CCNG2: variants seen among roughly 807,000 people sequenced by gnomAD.
CCNG2 encodes the protein cyclin-G2.
A neutral mutation model predicts 36.5 loss-of-function variants in CCNG2; 20 were observed. The observed-to-expected ratio is 0.55, with a 90% CI of 0.39 to 0.80. CCNG2 has a LOEUF of 0.80. Among genes scored for constraint, CCNG2 ranks in the 30% least tolerant of loss-of-function variants. The pLI is 0.00. For missense variants in CCNG2, 358 were observed against 390.8 expected, an observed-to-expected ratio of 0.92 and a Z score of 0.71; for synonymous variants, 155 against 140.1, an observed-to-expected ratio of 1.11 and a Z score of -0.75.
chr4:77,161,777 A>T, intron 6 of CCNG2, 30 bp downstream of exon 6: 1 of 1,409,094 alleles, frequency 7.1e-7, no homozygotes, highest in East Asian at 2.3e-5. Context: ...TTTAAGGCAA[A>T]TTTTTTTCCT....
In CCNG2 at chr4:77,158,604, C is replaced by T. The variant is rs759871299; in HGVS notation, c.72C>T (p.Tyr24=). The T allele has an allele frequency of 4.3e-6, 7 of 1,614,114 alleles. No homozygotes were observed. The Admixed American group carries it at 1.2e-4, about 27-fold the overall frequency. The stretch of plus-strand genomic sequence containing the variant: ...AACTTCTCGGGTTGTTGAACGTCTA[C>T]CTGGAACAAGAAGAGAGATTCCAAC... ...GVQLLGLLNV[Y]LEQEERFQPR... is the part of the protein sequence containing the mutation. Residue 24 remains tyrosine, a synonymous_variant, in exon 2 of 8, where the codon TAC becomes TAT. Coordinates refer to ENST00000316355, the MANE Select transcript of CCNG2 (RefSeq NM_004354.3).
rs1415391132 is a variant in CCNG2 at position 77,165,905 on chromosome 4, C to A, written c.1016C>A (p.Thr339Lys). 6.2e-7 allele frequency: 1 copy of A among 1,605,306 alleles called. No individual in the cohort carries two copies. The highest frequency in any genetic ancestry group is 1.7e-5 in the Admixed American group (1 of 57,446). Residue 339 changes from threonine (T) to lysine (K), a missense_variant, in exon 8 of 8, where the codon ACA becomes AAA. Physicochemically the swap from Thr to Lys is moderately conservative, Grantham distance 78. Transcript: ENST00000316355. ...TTTTTCAACTTCAAAGTGGCACAAA[C>A]ACTGTGCTTTCCATCTTAGAAATCT... is the stretch of plus-strand genomic sequence containing the variant. The part of the protein sequence containing the change: ...TFFFNFKVAQ[T>K]LCFPS
chr4:77,163,386 A>G (rs1560423494), intron 6 of CCNG2, among the ~76,000 whole-genome samples: 2 of 152,208 alleles, frequency 1.3e-5, no homozygotes. Context: ...TGGGTGTGTC[A>G]GAGGTAATGT....
chr4:77,160,535 G>GT (rs1553894302), intron 3 of CCNG2, among the ~76,000 whole-genome samples, 186 bp from the exon 4 acceptor site: 1 of 148,860 alleles, frequency 6.7e-6, no homozygotes, highest in Admixed American at 6.7e-5. Context: ...TTTTTTTGGG[G>GT]GGGGGGGGAG....
At chr4:77,157,936 C>T (rs915575928) in intron 1 of CCNG2, among the ~76,000 whole-genome samples, 1 of 152,082 alleles carries the variant, frequency 6.6e-6, no homozygotes, top group East Asian at 1.9e-4. Flanking sequence ...CCGCGCCACC[C>T]CAGGGCTCCT....
chr4:77,162,014 A>G (rs1012847447), intron 6 of CCNG2, among the ~76,000 whole-genome samples: 1 of 152,138 alleles, frequency 6.6e-6, no homozygotes, highest in African/African-American at 2.4e-5. Flanking sequence ...TACAGCTGTT[A>G]CATTGCCACA....
chr4:77,169,589 T>TA lies in CCNG2; in HGVS notation c.*3666dup, dbSNP rs1242861230. 1 of 152,240 alleles carries TA rather than the reference T, an allele frequency of 6.6e-6. No homozygotes were observed. The highest frequency in any genetic ancestry group is 1.9e-4 in the East Asian group (1 of 5,202). 9.4% of individuals were successfully genotyped at this position (152,240 alleles called of 1,614,324 possible). On this transcript the variant is annotated 3_prime_UTR_variant, in exon 8 of 8. Coordinates refer to ENST00000316355, the MANE Select transcript of CCNG2 (RefSeq NM_004354.3). ...AAGAAATTTAGTATATGTCCAAGCC[T>TA]AGGCTTTAAGAGACTGGCAGCTTTC...
At chr4:77,158,801 A>T in intron 2 of CCNG2, 131 bp downstream of exon 2, 1 of 840,022 alleles carries the variant, frequency 1.2e-6, no homozygotes, top group South Asian at 1.7e-5. Flanking sequence ...GAGTACCAAG[A>T]TAAACCTTAT....
intron 2 of CCNG2, 51 bp downstream of exon 2, chr4:77,158,721 G>T (rs1731343265): frequency 6.2e-7 from 1 of 1,600,870 alleles, no homozygotes; most frequent in African/African-American, 1.3e-5. Context: ...GGGCTTGGAG[G>T]AGGTAACCCC....
chr4:77,161,020 A>G, intron 4 of CCNG2, 49 bp downstream of exon 4: 4 of 1,350,886 alleles, frequency 3.0e-6, no homozygotes, highest in Non-Finnish European at 4.0e-6. Context: ...TGCTATAGCT[A>G]ACAGTAAATA....
chr4:77,162,505 C>T lies in CCNG2; in HGVS notation c.705+758C>T, dbSNP rs544207374. ...TCAAGTGATTCTCCTGCGTCAACCT[C>T]CCGAGTAGCTGGGGCTACAGGTGCT... On this transcript the variant is annotated intron_variant, in intron 6 of 7. Coordinates refer to ENST00000316355, the MANE Select transcript of CCNG2 (RefSeq NM_004354.3). 4.7e-3 allele frequency among the ~76,000 whole-genome samples: 708 copies of T among 151,646 alleles called. 5 individuals are homozygous for T. The highest frequency in any genetic ancestry group is 0.017 in the African/African-American group (686 of 41,314).
chr4:77,165,260 T>C (rs1731596678), intron 7 of CCNG2, among the ~76,000 whole-genome samples: 1 of 152,254 alleles, frequency 6.6e-6, no homozygotes, highest in Non-Finnish European at 1.5e-5. Flanking sequence ...TACATCTAAA[T>C]AGACCATATG....
Position 77,166,561 on chromosome 4 carries a change from A to G in CCNG2, c.*637A>G, listed in dbSNP as rs548784889. Reference sequence around the variant, plus strand: ...CTGTTAAGGCAGAAATAATTAGGCTAGGGCTCTTAGTTTTCATTCCTATTG... The same window carrying G: ...CTGTTAAGGCAGAAATAATTAGGCTGGGGCTCTTAGTTTTCATTCCTATTG... On this transcript the variant is annotated 3_prime_UTR_variant, in exon 8 of 8. Transcript: ENST00000316355. 6.6e-6 allele frequency: 1 copy of G among 152,214 alleles called. No individual in the cohort carries two copies. The highest frequency in any genetic ancestry group is 1.5e-5 in the Non-Finnish European group (1 of 68,038). The allele number at this position is 152,214 out of a possible 1,614,324, so 9.4% of individuals were successfully genotyped here. A position where few individuals can be genotyped will look rare whatever the true frequency, so the allele number is the denominator to read the frequency against.
rs1731700242 is a variant in CCNG2, at chr4:77,169,006, T to A, written c.*3082T>A. 6.6e-6 allele frequency: 1 copy of A among 152,310 alleles called. No individual in the cohort carries two copies. The highest frequency in any genetic ancestry group is 6.5e-5 in the Admixed American group (1 of 15,278). 9.4% of individuals were successfully genotyped at this position (152,310 alleles called of 1,614,324 possible). A position where few individuals can be genotyped will look rare whatever the true frequency, so the allele number is the denominator to read the frequency against. ...TGTGCCTAGGTCCTGGGTCTTCATC[T>A]GTTTGGCTCTGCTACTGTTTCCTCC... On this transcript the variant is annotated 3_prime_UTR_variant, in exon 8 of 8. Coordinates refer to ENST00000316355, the MANE Select transcript of CCNG2 (RefSeq NM_004354.3).
At chr4:77,163,724 CA>C (rs1213981389) in intron 6 of CCNG2, among the ~76,000 whole-genome samples, 1 of 152,156 alleles carries the variant, frequency 6.6e-6, no homozygotes, top group African/African-American at 2.4e-5. Flanking sequence ...GAGCACTGCC[CA>C]GTGGTGGCGG....
rs1376258608 is a variant in CCNG2, at chr4:77,169,895, A to C, written c.*3971A>C. On this transcript the variant is annotated 3_prime_UTR_variant, in exon 8 of 8. Transcript: ENST00000316355. ...GGAGGGTTGTTAAACAGTAATAGAT[A>C]AGTGAGACAGATTGCTTGTTATTTA... The C allele has an allele frequency of 6.6e-6, 1 of 152,234 alleles. No individual in the cohort carries two copies. 9.4% of individuals were successfully genotyped at this position (152,234 alleles called of 1,614,324 possible). A position where few individuals can be genotyped will look rare whatever the true frequency, so the allele number is the denominator to read the frequency against.
At position 77,161,514 on chromosome 4, in the gene CCNG2, C is replaced by T; in HGVS notation, c.562C>T (p.Gln188Ter). The T allele has an allele frequency of 6.2e-7, 1 of 1,611,648 alleles. No homozygotes were observed. ...ACTGAGCCTTGATAAACTAGAAGCT[C>T]AGCTGAAAGCTTGCAACTGCCGACT... ...EILSLDKLEA[Q>*]LKACNCRLIF... The change falls in exon 5 of 8, where the codon CAG becomes TAG. Residue 188 changes from glutamine (Q) to a stop codon, truncating the protein, a stop_gained. Transcript: ENST00000316355. LOFTEE classifies it high-confidence loss of function.
At chr4:77,160,191 A>AT (rs3834239) in intron 3 of CCNG2, among the ~76,000 whole-genome samples, 3 of 151,500 alleles carry the variant, frequency 2.0e-5, no homozygotes, top group South Asian at 2.1e-4. Context: ...ATCCCAGTAC[A>AT]TTTTTTTTTG....
intron 1 of CCNG2, among the ~76,000 whole-genome samples, chr4:77,157,866 T>C (rs1731307897): frequency 6.6e-6 from 1 of 151,892 alleles, no homozygotes; most frequent in Non-Finnish European, 1.5e-5. Context: ...GTGTTGTCCC[T>C]ACGGGCGCGG....
Sources: allele counts gnomAD v4.1 joint callset (sites outside exome capture counted in the v4.1 genomes callset), GRCh38; gene constraint gnomAD v4.1.1; transcripts MANE v1.5; gene names NCBI Gene and HGNC (gene_info 2026-07-23, HGNC 2026-07-21).